ACER3: variants seen among roughly 807,000 people sequenced by gnomAD.
ACER3 encodes the protein alkCDase 3.
ACER3 carries 16 observed loss-of-function variants against 48.9 expected under a neutral mutation model. That is an observed-to-expected ratio of 0.33 (90% CI 0.22 to 0.50). The LOEUF (loss-of-function observed/expected upper bound fraction) is 0.50, where lower values mean the gene tolerates loss of function less well. Among genes scored for constraint, ACER3 ranks in the 20% least tolerant of loss-of-function variants. The pLI is 0.98. For synonymous variants in ACER3, 109 were observed against 107.8 expected (o/e 1.01, Z -0.07); for missense variants, 227 against 326.0 (o/e 0.70, Z 2.34).
intron 7 of ACER3, among the ~76,000 whole-genome samples, chr11:77,009,642 C>T (rs1186380915): frequency 1.3e-5 from 2 of 151,998 alleles, no homozygotes; most frequent in Non-Finnish European, 2.9e-5. Context: ...GAACCCACTT[C>T]TACAAAAAAA....
intron 6 of ACER3, among the ~76,000 whole-genome samples, chr11:76,993,668 A>G (rs1055622746): frequency 2.0e-5 from 3 of 152,222 alleles, no homozygotes; most frequent in African/African-American, 7.2e-5. Flanking sequence ...TTTTGGCACC[A>G]GAGACCGGTT....
At chr11:76,973,028 G>A (rs1003306204) in intron 3 of ACER3, among the ~76,000 whole-genome samples, 2 of 152,214 alleles carry the variant, frequency 1.3e-5, no homozygotes, top group Non-Finnish European at 2.9e-5. Flanking sequence ...CCTTTGTCAA[G>A]ATAGTAACGC....
chr11:76,875,838 C>T (rs141662582), intron 1 of ACER3, among the ~76,000 whole-genome samples: 25 of 141,254 alleles, frequency 1.8e-4, no homozygotes, highest in Middle Eastern at 3.8e-3. Context: ...CAGGTTCAAA[C>T]GATTCTCCTG....
chr11:76,879,585 T>A (rs564363091), intron 1 of ACER3, among the ~76,000 whole-genome samples: 37 of 152,350 alleles, frequency 2.4e-4, no homozygotes, highest in African/African-American at 8.9e-4. Flanking sequence ...TTTGCAGATA[T>A]CCTGTATTTG....
intron 5 of ACER3, among the ~76,000 whole-genome samples, chr11:76,986,417 G>A (rs1948686051): frequency 6.6e-6 from 1 of 152,248 alleles, no homozygotes; most frequent in African/African-American, 2.4e-5. Context: ...AAGCTTCTGA[G>A]ATGAGGCACT....
Position 77,025,115 on chromosome 11 carries a change from T to C in ACER3, c.*4788T>C, listed in dbSNP as rs1949531056. On this transcript the variant is annotated 3_prime_UTR_variant, in exon 11 of 11. Transcript: ENST00000532485. ...ATAAAGCTTCTGAAACATCTGGCAA[T>C]GCCAGATCTGTAATCATCACTTTTA... 6.6e-6 allele frequency: 1 copy of C among 152,186 alleles called. No individual in the cohort carries two copies. The highest frequency in any genetic ancestry group is 1.5e-5 in the Non-Finnish European group (1 of 68,032). 9.4% of individuals were successfully genotyped at this position (152,186 alleles called of 1,614,324 possible).
intron 1 of ACER3, among the ~76,000 whole-genome samples, chr11:76,865,167 T>C (rs1221353348): frequency 6.9e-6 from 1 of 145,720 alleles, no homozygotes; most frequent in Non-Finnish European, 1.5e-5. Flanking sequence ...GGATTTTTAG[T>C]AGAGACAGGG....
chr11:76,998,451 T>TCAAGAG, intron 6 of ACER3: 1 of 85,760 alleles, frequency 1.2e-5, no homozygotes, highest in Non-Finnish European at 2.1e-5. Flanking sequence ...GAGCTAAAGA[T>TCAAGAG]TATGAGGCAA....
chr11:76,948,269 G>A (rs1450733324), intron 2 of ACER3, among the ~76,000 whole-genome samples: 3 of 149,796 alleles, frequency 2.0e-5, no homozygotes, highest in African/African-American at 7.4e-5. Context: ...GTGTGTAGGT[G>A]TGTAGGTTAC....
chr11:76,963,048 G>A (rs759625142), intron 3 of ACER3, among the ~76,000 whole-genome samples: 10 of 151,276 alleles, frequency 6.6e-5, no homozygotes, highest in South Asian at 2.1e-4. Context: ...CTGAAAAATC[G>A]CAGCTACAGT....
intron 1 of ACER3, among the ~76,000 whole-genome samples, chr11:76,862,626 G>C (rs1465044715): frequency 6.6e-6 from 1 of 152,174 alleles, no homozygotes; most frequent in Non-Finnish European, 1.5e-5. Context: ...TCAAATATTG[G>C]ATGGGCTATC....
chr11:76,948,211 CTGTGTGTGTG>C (rs57302394), intron 2 of ACER3, among the ~76,000 whole-genome samples: 1,724 of 135,706 alleles, frequency 0.013, 14 homozygotes, highest in East Asian at 0.044. Context: ...CTGGCTCACT[CTGTGTGTGTG>C]TGTGTGTGTG....
At chr11:76,895,172 T>C (rs974393366) in intron 1 of ACER3, among the ~76,000 whole-genome samples, 1 of 152,220 alleles carries the variant, frequency 6.6e-6, no homozygotes, top group Non-Finnish European at 1.5e-5. Context: ...TTTCTACTAT[T>C]AATGATTTGA....
At chr11:76,977,024 AC>A (rs1948460139) in intron 4 of ACER3, among the ~76,000 whole-genome samples, 1 of 152,218 alleles carries the variant, frequency 6.6e-6, no homozygotes, top group Non-Finnish European at 1.5e-5. Flanking sequence ...CTAATATGTA[AC>A]TGCTTTGTAC....
intron 4 of ACER3, among the ~76,000 whole-genome samples, chr11:76,978,013 C>T (rs906683057): frequency 3.9e-5 from 6 of 152,212 alleles, no homozygotes; most frequent in African/African-American, 1.2e-4. Flanking sequence ...GCCACCTCCG[C>T]CCCCTCTGGA....
In ACER3 at chr11:76,968,082, AC is replaced by A. The variant is rs1948186754; in HGVS notation, c.268-8206del. Among the ~76,000 whole-genome samples the A allele has an allele frequency of 2.0e-5, 3 of 152,328 alleles. No individual in the cohort carries two copies. In the South Asian group the frequency reaches 6.2e-4, roughly 32 times the overall value. ...CAAAATCTCCTTAGGCTGATAAGCA[AC>A]TTCAGCAAAGTCTCAGGATACAAAA... On this transcript the variant is annotated intron_variant, in intron 3 of 10. Coordinates refer to ENST00000532485, the MANE Select transcript of ACER3 (RefSeq NM_018367.7).
intron 2 of ACER3, among the ~76,000 whole-genome samples, chr11:76,948,959 A>C (rs1361320229): frequency 6.6e-6 from 1 of 152,220 alleles, no homozygotes; most frequent in Non-Finnish European, 1.5e-5. Context: ...TGAGTCTCAA[A>C]GAGATTTAAG....
intron 3 of ACER3, among the ~76,000 whole-genome samples, chr11:76,967,073 A>G (rs1948157608): frequency 6.6e-6 from 1 of 152,214 alleles, no homozygotes; most frequent in South Asian, 2.1e-4. Flanking sequence ...AGACTAATAA[A>G]GAAGAAAAGA....
intron 1 of ACER3, among the ~76,000 whole-genome samples, chr11:76,898,985 C>T (rs1946010893): frequency 6.8e-6 from 1 of 146,310 alleles, no homozygotes; most frequent in Middle Eastern, 3.6e-3. Flanking sequence ...ATTTCATCTT[C>T]TATTTAAAGG....
Sources: allele counts gnomAD v4.1 joint callset (sites outside exome capture counted in the v4.1 genomes callset), GRCh38; gene constraint gnomAD v4.1.1; transcripts MANE v1.5; gene names NCBI Gene and HGNC (gene_info 2026-07-23, HGNC 2026-07-21).